Variants in CDH13 observed in about 807,000 individuals in gnomAD.
The protein encoded by CDH13 is cadherin-13.
A neutral mutation model predicts 63.8 loss-of-function variants in CDH13; 24 were observed. The ratio of observed to expected loss-of-function variants is 0.38; its 90% CI spans 0.27 to 0.53. The LOEUF (loss-of-function observed/expected upper bound fraction) is 0.53, where lower values mean the gene tolerates loss of function less well. Among genes scored for constraint, CDH13 ranks in the 20% least tolerant of loss-of-function variants. The probability of loss-of-function intolerance (pLI) is 0.85; values close to 1 mark genes in which losing one functional copy is unlikely to be tolerated. For synonymous variants in CDH13, 503 were observed against 355.3 expected, an observed-to-expected ratio of 1.42 and a Z score of -4.67; for missense variants, 1,049 against 903.1, an observed-to-expected ratio of 1.16 and a Z score of -2.07.
intron 8 of CDH13, among the ~76,000 whole-genome samples, chr16:83,634,601 A>T (rs1211979123): frequency 6.6e-6 from 1 of 151,924 alleles, no homozygotes; most frequent in African/African-American, 2.4e-5. Flanking sequence ...GGGTTTCACC[A>T]TGTTGGCCAG....
At chr16:83,350,649 C>T (rs1286880171) in intron 6 of CDH13, among the ~76,000 whole-genome samples, 2 of 152,108 alleles carry the variant, frequency 1.3e-5, no homozygotes, top group African/African-American at 4.8e-5. Flanking sequence ...CTGGCAGGTG[C>T]TGCTTGTTCC....
At chr16:83,749,509 C>T (rs140047217) in intron 11 of CDH13, among the ~76,000 whole-genome samples, 323 of 152,238 alleles carry the variant, frequency 2.1e-3, no homozygotes, top group African/African-American at 7.3e-3. Flanking sequence ...GCTATAAGTG[C>T]GTATGTAGGA....
At chr16:83,487,962 C>T (rs552294646) in intron 7 of CDH13, among the ~76,000 whole-genome samples, 1 of 152,234 alleles carries the variant, frequency 6.6e-6, no homozygotes, top group African/African-American at 2.4e-5. Context: ...TCTGACTACT[C>T]TTGCCTGTAG....
chr16:83,417,334 A>T (rs1291691875), intron 6 of CDH13, among the ~76,000 whole-genome samples: 1 of 152,098 alleles, frequency 6.6e-6, no homozygotes, highest in Non-Finnish European at 1.5e-5. Context: ...TTACCATTAC[A>T]GCCCCTTTCT....
chr16:83,057,223 C>A (rs1011196976), intron 3 of CDH13, among the ~76,000 whole-genome samples: 1 of 152,144 alleles, frequency 6.6e-6, no homozygotes, highest in Non-Finnish European at 1.5e-5. Flanking sequence ...CCTGGGCCTC[C>A]CAAAGTACTG....
In CDH13 at chr16:83,451,865, C is replaced by T. The variant is rs144147742; in HGVS notation, c.782-34612C>T. Among the ~76,000 whole-genome samples the T allele has an allele frequency of 5.0e-3, 757 of 152,246 alleles. 10 individuals carry two copies. Among genetic ancestry groups the T allele is most frequent in the African/African-American group, 0.016 (676 of 41,566 alleles). ...TATTCTTCCTCCTATTTTTTCTTTT[C>T]AAACTGAACATCTTTATATTCGAGG... On this transcript the variant is annotated intron_variant, in intron 6 of 13. Coordinates refer to ENST00000567109, the MANE Select transcript of CDH13 (RefSeq NM_001257.5).
chr16:83,198,927 T>C (rs2038950778), intron 4 of CDH13, among the ~76,000 whole-genome samples: 1 of 152,234 alleles, frequency 6.6e-6, no homozygotes, highest in Non-Finnish European at 1.5e-5. Context: ...TAAAAAATAT[T>C]CCTCTCTTGG....
At chr16:83,294,798 G>A (rs746740453) in intron 5 of CDH13, among the ~76,000 whole-genome samples, 7 of 151,850 alleles carry the variant, frequency 4.6e-5, no homozygotes, top group South Asian at 2.1e-4. Flanking sequence ...TAAAATGCCC[G>A]TACTACCCAA....
intron 6 of CDH13, among the ~76,000 whole-genome samples, chr16:83,401,770 C>G (rs1015139385): frequency 2.6e-5 from 4 of 152,194 alleles, no homozygotes; most frequent in African/African-American, 9.6e-5. Context: ...GTTCCCTCAA[C>G]AAAGAATTAT....
intron 2 of CDH13, among the ~76,000 whole-genome samples, chr16:82,904,744 T>C (rs2041587569): frequency 6.6e-6 from 1 of 152,086 alleles, no homozygotes; most frequent in South Asian, 2.1e-4. Flanking sequence ...TAACGGGTGG[T>C]CAGTATTTAC....
chr16:83,232,227 T>TTA (rs3049884), intron 5 of CDH13, among the ~76,000 whole-genome samples: 68 of 67,632 alleles, frequency 1.0e-3, no homozygotes, highest in African/African-American at 2.1e-3. Flanking sequence ...TTTTTTTTTT[T>TTA]AAAAAAAAAA....
intron 7 of CDH13, among the ~76,000 whole-genome samples, chr16:83,549,603 G>A (rs1322594788): frequency 2.0e-5 from 3 of 149,374 alleles, no homozygotes; most frequent in African/African-American, 7.4e-5. Context: ...GTAGCACTGG[G>A]ACTATAGCTT....
intron 2 of CDH13, among the ~76,000 whole-genome samples, chr16:83,015,675 A>ATGTGTG (rs1198071503): frequency 4.7e-4 from 24 of 51,210 alleles, no homozygotes; most frequent in African/African-American, 1.6e-3. Flanking sequence ...GTGTGTGTGT[A>ATGTGTG]TGTATATATA....
At chr16:83,599,944 A>T (rs1409577208) in intron 7 of CDH13, among the ~76,000 whole-genome samples, 1 of 152,200 alleles carries the variant, frequency 6.6e-6, no homozygotes, top group South Asian at 2.1e-4. Flanking sequence ...TACTGGTTTC[A>T]TATGGTCCAG....
chr16:83,067,450 A>G (rs948656843), intron 3 of CDH13, among the ~76,000 whole-genome samples: 1 of 152,212 alleles, frequency 6.6e-6, no homozygotes. Flanking sequence ...CAAACAAGTA[A>G]AAGAACCCAT....
At chr16:83,252,746 A>C (rs1046541571) in intron 5 of CDH13, among the ~76,000 whole-genome samples, 1 of 152,040 alleles carries the variant, frequency 6.6e-6, no homozygotes, top group Non-Finnish European at 1.5e-5. Context: ...CCTGACTTCT[A>C]ATGTGTAGGA....
rs143024931 is a variant in CDH13 at position 82,679,681 on chromosome 16, T to C, written c.45+52544T>C. Among the ~76,000 whole-genome samples the C allele has an allele frequency of 4.4e-3, 666 of 152,292 alleles. 5 individuals are homozygous for C. Among genetic ancestry groups the C allele is most frequent in the African/African-American group, 0.015 (608 of 41,566 alleles). On this transcript the variant is annotated intron_variant, in intron 1 of 13. Coordinates refer to ENST00000567109, the MANE Select transcript of CDH13 (RefSeq NM_001257.5). The stretch of plus-strand genomic sequence containing the variant: ...TTGTTTAATCAGCCTTGGTTATGTA[T>C]TCGTCGTCAGATAAATAGGGACGTT...
chr16:83,448,361 C>T (rs2072774402), intron 6 of CDH13, among the ~76,000 whole-genome samples: 1 of 152,088 alleles, frequency 6.6e-6, no homozygotes, highest in South Asian at 2.1e-4. Context: ...CCAACTTCAG[C>T]TTGGAGGGAG....
chr16:83,697,561 A>C (rs1303229197), intron 10 of CDH13, among the ~76,000 whole-genome samples: 1 of 152,210 alleles, frequency 6.6e-6, no homozygotes, highest in African/African-American at 2.4e-5. Flanking sequence ...GTTTAAGCAG[A>C]AGTGCACATA....
Sources: gnomAD v4.1 joint callset for allele counts (sites outside exome capture counted in the v4.1 genomes callset) on GRCh38, gnomAD v4.1.1 for gene constraint, MANE v1.5 for transcripts, NCBI Gene and HGNC (gene_info 2026-07-23, HGNC 2026-07-21) for gene names.